Variants in LIG1 observed in about 807,000 individuals in gnomAD.
LIG1 encodes ligase I, DNA, ATP-dependent.
A neutral mutation model predicts 115.7 loss-of-function variants in LIG1; 70 were observed. The ratio of observed to expected loss-of-function variants is 0.60; its 90% CI spans 0.50 to 0.74. The LOEUF (loss-of-function observed/expected upper bound fraction) is 0.74. Ranked by LOEUF, LIG1 falls within the 30% of genes least tolerant of loss-of-function variation. The probability of loss-of-function intolerance (pLI) is 0.00; values close to 1 mark genes in which losing one functional copy is unlikely to be tolerated. For missense variants in LIG1, 1,115 were observed against 1,225.6 expected, an observed-to-expected ratio of 0.91 and a Z score of 1.35; for synonymous variants, 487 against 495.3, an observed-to-expected ratio of 0.98 and a Z score of 0.22.
chr19:48,166,234 T>C (rs1005773885), intron 1 of LIG1, among the ~76,000 whole-genome samples: 1 of 152,114 alleles, frequency 6.6e-6, no homozygotes, highest in African/African-American at 2.4e-5. Context: ...CTGTCTCTAC[T>C]AAAAATACAA....
At chr19:48,128,571 C>T (rs1278815546) in intron 19 of LIG1, among the ~76,000 whole-genome samples, 1 of 152,228 alleles carries the variant, frequency 6.6e-6, no homozygotes, top group Admixed American at 6.5e-5. Context: ...CTCTCTGTTT[C>T]TCAAATAAGT....
At chr19:48,130,593 G>A (rs1298129505) in intron 19 of LIG1, among the ~76,000 whole-genome samples, 3 of 152,160 alleles carry the variant, frequency 2.0e-5, no homozygotes, top group East Asian at 1.9e-4. Context: ...GGCTTTCCGA[G>A]GCTTTGTTGC....
chr19:48,149,052 G>C (rs1225837882), intron 9 of LIG1, among the ~76,000 whole-genome samples: 2 of 152,182 alleles, frequency 1.3e-5, no homozygotes, highest in Non-Finnish European at 2.9e-5. Context: ...GCTCACGCCT[G>C]TAATCCCAGC....
intron 1 of LIG1, among the ~76,000 whole-genome samples, chr19:48,168,673 G>C (rs1478397991): frequency 1.3e-5 from 2 of 152,120 alleles, no homozygotes; most frequent in Non-Finnish European, 2.9e-5. Flanking sequence ...CTCATTACTG[G>C]AATACCATAT....
Position 48,122,815 on chromosome 19 carries a change from T to C in LIG1, c.2232+119A>G. On this transcript the variant is annotated intron_variant, in intron 23 of 27. Transcript: ENST00000263274. The surrounding 1 kb of genome is among the most constrained non-coding windows in gnomAD (Gnocchi z 4.3). ...TTGCAGCAGGGGGCTGGGGTGGGAT[T>C]GTGAAAAGGGGCCCTGAGCTCAGAC... 1 of 921,162 alleles carries C rather than the reference T, an allele frequency of 1.1e-6. No individual in the cohort carries two copies. Among genetic ancestry groups the C allele is most frequent in the Non-Finnish European group, 1.8e-6 (1 of 549,480 alleles). 57.1% of individuals were successfully genotyped at this position (921,162 alleles called of 1,614,324 possible).
Position 48,136,014 on chromosome 19 carries a change from G to T in LIG1, c.1423+20C>A, listed in dbSNP as rs760138507. The T allele has an allele frequency of 1.3e-6, 2 of 1,539,890 alleles. No homozygotes were observed. The highest frequency in any genetic ancestry group is 1.2e-5 in the South Asian group (1 of 83,996). On this transcript the variant is annotated intron_variant, in intron 15 of 27. Transcript: ENST00000263274. The stretch of plus-strand genomic sequence containing the variant: ...AGGTAACTCCAGCGAGGGATGCAGA[G>T]ACGGGCCACAGGAGCTCACCTTGGC...
At chr19:48,155,794 T>A (rs3730878) in intron 5 of LIG1, among the ~76,000 whole-genome samples, 1,578 of 152,314 alleles carry the variant, frequency 0.01, 13 homozygotes, top group Middle Eastern at 0.02. Context: ...ATCGGCAACA[T>A]GATCTGTGTA....
chr19:48,166,735 C>T (rs1292319530), intron 1 of LIG1, among the ~76,000 whole-genome samples: 1 of 151,972 alleles, frequency 6.6e-6, no homozygotes, highest in Non-Finnish European at 1.5e-5. Context: ...TTTTGGGAGG[C>T]CGAAGCGGGT....
rs1655478701 is a variant in LIG1, at chr19:48,137,373, G to T, written c.1254+149C>A. 1 of 1,015,842 alleles carries T rather than the reference G, an allele frequency of 9.8e-7. No homozygotes were observed. The highest frequency in any genetic ancestry group is 2.6e-5 in the East Asian group (1 of 38,466). The allele number at this position is 1,015,842 out of a possible 1,614,324, so 62.9% of individuals were successfully genotyped here. A position where few individuals can be genotyped will look rare whatever the true frequency, so the allele number is the denominator to read the frequency against. Reference sequence around the variant, plus strand: ...GAAGAGGAGACTCCCCTAGGATTGGGTGCAGGAAGGAGGAGAGGAAGCTGT... The same window carrying T: ...GAAGAGGAGACTCCCCTAGGATTGGTTGCAGGAAGGAGGAGAGGAAGCTGT... On this transcript the variant is annotated intron_variant, in intron 13 of 27. Coordinates refer to ENST00000263274, the MANE Select transcript of LIG1 (RefSeq NM_000234.3). The surrounding 1 kb of genome is among the most constrained non-coding windows in gnomAD (Gnocchi z 4.3).
chr19:48,132,908 G>T, intron 18 of LIG1, 74 bp downstream of exon 18: 1 of 1,102,268 alleles, frequency 9.1e-7, no homozygotes, highest in Non-Finnish European at 1.4e-6. Flanking sequence ...TTGAAGCTCA[G>T]GCCTCAGTGA....
intron 19 of LIG1, among the ~76,000 whole-genome samples, chr19:48,129,342 C>T (rs564903149): frequency 6.6e-6 from 1 of 152,342 alleles, no homozygotes; most frequent in African/African-American, 2.4e-5. Context: ...CCACTGTCAC[C>T]GGCCAGGCCT....
chr19:48,153,196 A>G (rs940769328), intron 6 of LIG1, among the ~76,000 whole-genome samples: 1 of 150,748 alleles, frequency 6.6e-6, no homozygotes, highest in Non-Finnish European at 1.5e-5. Flanking sequence ...CTGTCTCAAA[A>G]AAAAAAAAAA....
chr19:48,150,259 CTTTTTTTTTCT>C, intron 7 of LIG1, 49 bp from the exon 8 acceptor site: 1 of 1,606,544 alleles, frequency 6.2e-7, no homozygotes, highest in Non-Finnish European at 8.5e-7. Flanking sequence ...GACCCTGAGA[CTTTTTTTTTCT>C]TTTTTTTTAC....
intron 1 of LIG1, among the ~76,000 whole-genome samples, chr19:48,167,838 A>C (rs1036895553): frequency 1.3e-5 from 2 of 151,396 alleles, no homozygotes; most frequent in African/African-American, 4.9e-5. Context: ...AAAAAAAAAA[A>C]AAAAAAAAAA....
intron 21 of LIG1, among the ~76,000 whole-genome samples, chr19:48,125,526 A>C (rs16981368): frequency 6.6e-6 from 1 of 152,270 alleles, no homozygotes; most frequent in Admixed American, 6.5e-5. Flanking sequence ...ACAGACCAGG[A>C]AGACATGAGT....
chr19:48,150,217 T>G lies in LIG1; in HGVS notation c.575-7A>C, dbSNP rs1395854186. On this transcript the variant is annotated splice_region_variant and splice_polypyrimidine_tract_variant and intron_variant, in intron 7 of 27. Transcript: ENST00000263274. Reference sequence around the variant, plus strand: ...TCCGTCGGGGTCTCTGCTTCTGCGGTGAGAGAGCTCAGACGGTGATGCAAA... The same window carrying G: ...TCCGTCGGGGTCTCTGCTTCTGCGGGGAGAGAGCTCAGACGGTGATGCAAA... The G allele has an allele frequency of 6.2e-7, 1 of 1,614,012 alleles. No homozygotes were observed. The highest frequency in any genetic ancestry group is 2.2e-5 in the East Asian group (1 of 44,888).
chr19:48,143,583 CAG>C lies in LIG1; in HGVS notation c.872_873del (p.Ala291GlyfsTer6). On this transcript the variant is annotated frameshift_variant, in exon 11 of 28. Coordinates refer to ENST00000263274, the MANE Select transcript of LIG1 (RefSeq NM_000234.3). LOFTEE classifies it high-confidence loss of function. The stretch of plus-strand genomic sequence containing the variant: ...TCGATCTTCTCAAACGTCCGGGCCA[CAG>C]CCAGGTAAGGAACCCTAGGGAAGGA... ...WKPGQKVPYL[A>X]VARTFEKIEE... 6.2e-7 allele frequency: 1 copy of C among 1,610,704 alleles called. No homozygotes were observed. The highest frequency in any genetic ancestry group is 8.5e-7 in the Non-Finnish European group (1 of 1,178,680).
At chr19:48,158,472 G>A (rs534881330) in intron 4 of LIG1, among the ~76,000 whole-genome samples, 38 of 152,306 alleles carry the variant, frequency 2.5e-4, no homozygotes, top group Middle Eastern at 3.4e-3. Flanking sequence ...ACCGTGTCTC[G>A]GTTTCAACCA....
intron 12 of LIG1, among the ~76,000 whole-genome samples, chr19:48,139,103 G>T (rs1267297994): frequency 6.6e-6 from 1 of 152,188 alleles, no homozygotes; most frequent in African/African-American, 2.4e-5. Flanking sequence ...ACCAGTGGGT[G>T]GTCATCCCTC....
Sources: gnomAD v4.1 joint callset for allele counts (sites outside exome capture counted in the v4.1 genomes callset) on GRCh38, gnomAD v4.1.1 for gene constraint, Gnocchi (gnomAD v3.1) non-coding constraint, MANE v1.5 for transcripts, NCBI Gene and HGNC (gene_info 2026-07-23, HGNC 2026-07-21) for gene names.